CAPN3: variants seen among roughly 807,000 people sequenced by gnomAD.
The protein encoded by CAPN3 is calpain 3, also known as calpain-3.
In CAPN3, 88 loss-of-function variants were observed where a neutral mutation model predicts 114.0. That is an observed-to-expected ratio of 0.77 (90% CI 0.65 to 0.92). The LOEUF (loss-of-function observed/expected upper bound fraction) is 0.92. Ranked by LOEUF, CAPN3 falls within the 40% of genes least tolerant of loss-of-function variation. The probability of loss-of-function intolerance (pLI) is 0.00; values close to 1 mark genes in which losing one functional copy is unlikely to be tolerated. For missense variants in CAPN3, 1,028 were observed against 1,069.0 expected (o/e 0.96, Z 0.53); for synonymous variants, 386 against 382.9 (o/e 1.01, Z -0.09).
chr15:42,366,819 C>CTTTTTTTTCTTT (rs1555418049), intron 1 of CAPN3, among the ~76,000 whole-genome samples: 4 of 132,780 alleles, frequency 3.0e-5, no homozygotes, highest in East Asian at 2.1e-4. Flanking sequence ...TCACAGAATT[C>CTTTTTTTTCTTT]TTTTTTTTCT....
At chr15:42,408,084 G>T in intron 15 of CAPN3, 127 bp from the exon 16 acceptor site, 1 of 681,842 alleles carries the variant, frequency 1.5e-6, no homozygotes, top group Non-Finnish European at 2.7e-6. Context: ...AACCGAGGTT[G>T]AAGAGCTCCC....
chr15:42,363,207 C>A (rs534286793), intron 1 of CAPN3, among the ~76,000 whole-genome samples: 9 of 152,300 alleles, frequency 5.9e-5, no homozygotes, highest in African/African-American at 1.9e-4. Context: ...TCGGGAACAT[C>A]ATGCATTGAG....
chr15:42,401,492 C>A (rs1476103950), intron 10 of CAPN3, 149 bp from the exon 11 acceptor site: 1 of 302,370 alleles, frequency 3.3e-6, no homozygotes. Flanking sequence ...CCCCCCAAAT[C>A]ATTAGAGAAA....
intron 6 of CAPN3, among the ~76,000 whole-genome samples, chr15:42,392,236 CTT>C (rs1400354089): frequency 7.9e-5 from 12 of 152,146 alleles, no homozygotes; most frequent in Admixed American, 5.2e-4. Flanking sequence ...TTCTCAACCT[CTT>C]TCTCTTCCAG....
intron 10 of CAPN3, among the ~76,000 whole-genome samples, 164 bp from the exon 11 acceptor site, chr15:42,401,477 C>G (rs1307356855): frequency 1.6e-5 from 2 of 123,190 alleles, no homozygotes; most frequent in South Asian, 3.9e-4. Flanking sequence ...GGTAGCGCCC[C>G]CCCCCCCCCC....
chr15:42,368,860 T>A (rs1431534791), intron 1 of CAPN3, among the ~76,000 whole-genome samples: 1 of 152,204 alleles, frequency 6.6e-6, no homozygotes, highest in Non-Finnish European at 1.5e-5. Context: ...AAGACCAGCT[T>A]GGGCACCATG....
chr15:42,404,079 C>A (rs2053952577), intron 14 of CAPN3: 1 of 535,186 alleles, frequency 1.9e-6, no homozygotes, highest in African/African-American at 1.9e-5. Flanking sequence ...ACAAGAGCCG[C>A]AGCGAACACT....
At chr15:42,401,162 C>T (rs1658136636) in intron 10 of CAPN3, among the ~76,000 whole-genome samples, 1 of 151,792 alleles carries the variant, frequency 6.6e-6, no homozygotes, top group Non-Finnish European at 1.5e-5. Flanking sequence ...CCACTGCACT[C>T]TAGCCTGGGC....
At chr15:42,369,458 C>T (rs1012306014) in intron 1 of CAPN3, among the ~76,000 whole-genome samples, 3 of 151,582 alleles carry the variant, frequency 2.0e-5, no homozygotes, top group Non-Finnish European at 2.9e-5. Flanking sequence ...GCCAAAATTG[C>T]GCCACTGCAT....
At chr15:42,371,461 T>C (rs938703310) in intron 1 of CAPN3, among the ~76,000 whole-genome samples, 2 of 152,202 alleles carry the variant, frequency 1.3e-5, no homozygotes, top group African/African-American at 4.8e-5. Flanking sequence ...CAAAGCATCT[T>C]TTTTGTACAC....
At chr15:42,404,844 T>C (rs2053974217) in intron 14 of CAPN3, 1 of 1,072,814 alleles carries the variant, frequency 9.3e-7, no homozygotes, top group Admixed American at 4.8e-5. Context: ...AGGCGATTGG[T>C]TTTAGTGGTA....
intron 1 of CAPN3, among the ~76,000 whole-genome samples, chr15:42,371,189 G>T (rs1413403505): frequency 6.6e-6 from 1 of 151,952 alleles, no homozygotes; most frequent in Non-Finnish European, 1.5e-5. Context: ...TCATGATAGT[G>T]TCATCACGGG....
Position 42,412,236 on chromosome 15 carries a change from G to C in CAPN3, c.*463G>C. On this transcript the variant is annotated 3_prime_UTR_variant, in exon 24 of 24. Transcript: ENST00000397163. ...AAACTAACTCAGTGGAATAGGGCTG[G>C]TTACTTTGGGCTGTCCAACTCATAA... 6.6e-7 allele frequency: 1 copy of C among 1,509,400 alleles called. No individual in the cohort carries two copies. The highest frequency in any genetic ancestry group is 8.9e-7 in the Non-Finnish European group (1 of 1,124,844). 93.5% of individuals were successfully genotyped at this position (1,509,400 alleles called of 1,614,324 possible). A position where few individuals can be genotyped will look rare whatever the true frequency, so the allele number is the denominator to read the frequency against.
chr15:42,385,951 A>C (rs1291367003), intron 2 of CAPN3: 1 of 724,212 alleles, frequency 1.4e-6, no homozygotes, highest in Non-Finnish European at 2.5e-6. Flanking sequence ...GTCTAGTCAC[A>C]AGGGAGTAAG....
intron 2 of CAPN3, among the ~76,000 whole-genome samples, 182 bp downstream of exon 2, chr15:42,384,734 A>G (rs544398708): frequency 6.6e-6 from 1 of 152,270 alleles, no homozygotes; most frequent in African/African-American, 2.4e-5. Context: ...ATTTCCTCCT[A>G]CATGCCTCTT....
In CAPN3 at chr15:42,367,956, A is replaced by G. The variant is rs139148793; in HGVS notation, c.309+7842A>G. The stretch of plus-strand genomic sequence containing the variant: ...GACTACAGGCATATCCTGTTTTTGA[A>G]TCATGTCATCCCTCTTTTAGTTAAT... On this transcript the variant is annotated intron_variant, in intron 1 of 23. Coordinates refer to ENST00000397163, the MANE Select transcript of CAPN3 (RefSeq NM_000070.3). 4.2e-4 allele frequency among the ~76,000 whole-genome samples: 64 copies of G among 152,230 alleles called. 2 individuals are homozygous for G. The East Asian group carries it at 0.012, about 28-fold the overall frequency.
intron 1 of CAPN3, among the ~76,000 whole-genome samples, chr15:42,384,089 C>A (rs1032807339): frequency 1.3e-5 from 2 of 152,064 alleles, no homozygotes; most frequent in Non-Finnish European, 2.9e-5. Flanking sequence ...GGAATACTAT[C>A]AGGAACACTA....
chr15:42,409,482 T>C, intron 17 of CAPN3, 102 bp downstream of exon 17: 1 of 1,180,634 alleles, frequency 8.5e-7, no homozygotes, highest in Non-Finnish European at 1.2e-6. Context: ...AGAGGTCACT[T>C]TGGACTTTGG....
At chr15:42,362,928 T>G (rs564008413) in intron 1 of CAPN3, among the ~76,000 whole-genome samples, 2 of 152,330 alleles carry the variant, frequency 1.3e-5, no homozygotes, top group South Asian at 4.1e-4. Flanking sequence ...AAGGCCTTCC[T>G]GCTTTTACTG....
Sources: gnomAD v4.1 joint callset for allele counts (sites outside exome capture counted in the v4.1 genomes callset) on GRCh38, gnomAD v4.1.1 for gene constraint, MANE v1.5 for transcripts, NCBI Gene and HGNC (gene_info 2026-07-23, HGNC 2026-07-21) for gene names.